FRMD3: variants seen among roughly 807,000 people sequenced by gnomAD.
FRMD3 encodes FERM domain-containing protein 3.
FRMD3 carries 33 observed loss-of-function variants against 70.2 expected under a neutral mutation model. The ratio of observed to expected loss-of-function variants is 0.47; its 90% CI spans 0.36 to 0.63. The LOEUF (loss-of-function observed/expected upper bound fraction) is 0.63. FRMD3 is among the 20% of genes least tolerant of loss of function. The pLI is 0.00. For synonymous variants in FRMD3, 279 were observed against 255.9 expected (o/e 1.09, Z -0.86); for missense variants, 632 against 711.4 (o/e 0.89, Z 1.27).
chr9:83,451,681 T>C (rs1048759091), intron 1 of FRMD3, among the ~76,000 whole-genome samples: 3 of 150,870 alleles, frequency 2.0e-5, no homozygotes, highest in African/African-American at 7.3e-5. Context: ...AGGGGAGAGG[T>C]GAGAAGAGTG....
upstream of FRMD3, among the ~76,000 whole-genome samples, chr9:83,542,296 T>C (rs535646850): frequency 2.6e-5 from 4 of 152,330 alleles, no homozygotes; most frequent in Admixed American, 1.3e-4. Flanking sequence ...CCACAAAAGA[T>C]TGATGGTTGT....
chr9:83,257,520 AG>A (rs1248616044), intron 13 of FRMD3, among the ~76,000 whole-genome samples: 1 of 152,080 alleles, frequency 6.6e-6, no homozygotes, highest in Non-Finnish European at 1.5e-5. Context: ...TTAAAAGTTG[AG>A]GGGGAAAAAA....
intron 1 of FRMD3, among the ~76,000 whole-genome samples, chr9:83,470,172 A>G (rs143106429): frequency 6.6e-6 from 1 of 152,238 alleles, no homozygotes; most frequent in Non-Finnish European, 1.5e-5. Flanking sequence ...ACAGCCCCAG[A>G]TTCCAGCTGC....
intron 1 of FRMD3, among the ~76,000 whole-genome samples, chr9:83,473,555 C>A (rs1828321100): frequency 6.6e-6 from 1 of 152,176 alleles, no homozygotes; most frequent in African/African-American, 2.4e-5. Context: ...ATCTTAGAAA[C>A]AGAAAGTACA....
At chr9:83,443,447 A>G (rs1394386278) in intron 1 of FRMD3, among the ~76,000 whole-genome samples, 1 of 152,184 alleles carries the variant, frequency 6.6e-6, no homozygotes, top group African/African-American at 2.4e-5. Context: ...AGCTTCACCC[A>G]TGTCGCTACA....
At chr9:83,492,508 T>C (rs1324309920) in intron 1 of FRMD3, among the ~76,000 whole-genome samples, 1 of 152,170 alleles carries the variant, frequency 6.6e-6, no homozygotes, top group Non-Finnish European at 1.5e-5. Context: ...CTGCACCTCC[T>C]TTCCGCCCGT....
chr9:83,316,888 C>G (rs1303578923), intron 6 of FRMD3, among the ~76,000 whole-genome samples: 1 of 152,072 alleles, frequency 6.6e-6, no homozygotes, highest in Non-Finnish European at 1.5e-5. Flanking sequence ...TACTCTCCAC[C>G]AACAAATAAA....
At chr9:83,334,980 C>T (rs995857609) in intron 6 of FRMD3, among the ~76,000 whole-genome samples, 2 of 152,182 alleles carry the variant, frequency 1.3e-5, no homozygotes, top group African/African-American at 2.4e-5. Context: ...GTGTTAGGAA[C>T]GTGGTGAATG....
At chr9:83,298,726 C>G in intron 12 of FRMD3, 22 bp downstream of exon 12, 1 of 1,607,346 alleles carries the variant, frequency 6.2e-7, no homozygotes, top group South Asian at 1.1e-5. Context: ...CCACCTGGAA[C>G]CCACAGTGAT....
chr9:83,571,459 T>C, the FRMD3 span, among the ~76,000 whole-genome samples: 2 of 152,196 alleles, frequency 1.3e-5, no homozygotes. Flanking sequence ...AAGGATGCAA[T>C]TGCCATTCAT....
At chr9:83,533,356 C>T (rs957476775) in intron 1 of FRMD3, among the ~76,000 whole-genome samples, 2 of 152,122 alleles carry the variant, frequency 1.3e-5, no homozygotes, top group Non-Finnish European at 2.9e-5. Flanking sequence ...CGTACACTAC[C>T]ACTTTGTCAA....
At position 83,266,136 on chromosome 9, in the gene FRMD3, TA is replaced by T. The variant is rs964510503; in HGVS notation, c.1196-17621del. Among the ~76,000 whole-genome samples the T allele has an allele frequency of 2.3e-3, 330 of 144,744 alleles. 2 individuals are homozygous for T. The highest frequency in any genetic ancestry group is 5.4e-3 in the African/African-American group (214 of 39,682). The allele number at this position is 144,744 out of a possible 152,430, so 95.0% of individuals were successfully genotyped here. ...AATATATCTTGAACAATCCCATTTATAAAAAAAAAAAATCCTATATCCCATG... is the reference window on the plus strand; with the variant it reads ...AATATATCTTGAACAATCCCATTTATAAAAAAAAAAATCCTATATCCCATG... On this transcript the variant is annotated intron_variant, in intron 13 of 13. Coordinates refer to ENST00000304195, the MANE Select transcript of FRMD3 (RefSeq NM_174938.6).
At chr9:83,448,276 TC>T (rs1736299315) in intron 1 of FRMD3, among the ~76,000 whole-genome samples, 1 of 152,154 alleles carries the variant, frequency 6.6e-6, no homozygotes, top group East Asian at 1.9e-4. Flanking sequence ...TCTGCCACAG[TC>T]CCCACCGCTC....
intron 6 of FRMD3, among the ~76,000 whole-genome samples, chr9:83,314,128 G>C (rs1835470642): frequency 6.6e-6 from 1 of 152,136 alleles, no homozygotes; most frequent in Admixed American, 6.5e-5. Flanking sequence ...ATGCCTTCTT[G>C]CTCAGGGAAA....
intron 10 of FRMD3, among the ~76,000 whole-genome samples, chr9:83,304,452 C>T (rs1835045327): frequency 6.6e-6 from 1 of 152,110 alleles, no homozygotes. Flanking sequence ...AATTAGAATG[C>T]ACATTTTAAC....
At chr9:83,581,735 A>G in the FRMD3 span, among the ~76,000 whole-genome samples, 1 of 152,252 alleles carries the variant, frequency 6.6e-6, no homozygotes, top group Non-Finnish European at 1.5e-5. Flanking sequence ...CGGATTAATG[A>G]ATAAATAAAA....
intron 12 of FRMD3, among the ~76,000 whole-genome samples, chr9:83,295,953 C>T (rs1485503761): frequency 6.6e-6 from 1 of 152,216 alleles, no homozygotes; most frequent in Non-Finnish European, 1.5e-5. Flanking sequence ...TGTTCTCAGT[C>T]TGCTTCTGTT....
the FRMD3 span, among the ~76,000 whole-genome samples, chr9:83,555,056 C>T: frequency 2.6e-5 from 4 of 152,190 alleles, no homozygotes; most frequent in Admixed American, 1.3e-4. Context: ...TAAGAAATGG[C>T]TGCAGACCCC....
chr9:83,444,416 A>G (rs1827396135), intron 1 of FRMD3, among the ~76,000 whole-genome samples: 1 of 152,230 alleles, frequency 6.6e-6, no homozygotes, highest in South Asian at 2.1e-4. Context: ...TGCCTTGGAA[A>G]ATTCATGCCA....
Sources: allele counts gnomAD v4.1 joint callset (sites outside exome capture counted in the v4.1 genomes callset), GRCh38; gene constraint gnomAD v4.1.1; transcripts MANE v1.5; gene names NCBI Gene and HGNC (gene_info 2026-07-23, HGNC 2026-07-21).